The following TACR3 variants were observed in gnomAD, a reference collection of about 807,000 sequenced individuals.
The protein encoded by TACR3 is tachykinin receptor 3, also known as neuromedin-K receptor.
TACR3 carries 34 observed loss-of-function variants against 35.0 expected under a neutral mutation model. That is an observed-to-expected ratio of 0.97 (90% CI 0.74 to 1.30). The LOEUF is 1.30. TACR3 is among the 50% of genes most tolerant of loss of function. The pLI, the probability that TACR3 is intolerant of heterozygous loss-of-function variation, is 0.00. For missense variants in TACR3, 558 were observed against 591.7 expected, an observed-to-expected ratio of 0.94 and a Z score of 0.59; for synonymous variants, 233 against 221.1, an observed-to-expected ratio of 1.05 and a Z score of -0.48.
chr4:103,629,064 A>G (rs1284444760), intron 3 of TACR3, among the ~76,000 whole-genome samples: 1 of 152,186 alleles, frequency 6.6e-6, no homozygotes, highest in African/African-American at 2.4e-5. Context: ...ACAGATGCAC[A>G]AAAGGCCTTT....
intron 3 of TACR3, among the ~76,000 whole-genome samples, chr4:103,614,159 ATTAC>A (rs1724579228): frequency 6.6e-6 from 1 of 152,134 alleles, no homozygotes; most frequent in Non-Finnish European, 1.5e-5. Flanking sequence ...GTTTAGTTCT[ATTAC>A]TTTCTAGACT....
At chr4:103,651,061 G>T (rs759200804) in intron 3 of TACR3, among the ~76,000 whole-genome samples, 13 of 138,444 alleles carry the variant, frequency 9.4e-5, no homozygotes, top group Non-Finnish European at 1.7e-4. Context: ...TGACCACCTG[G>T]CTACCATCTA....
intron 1 of TACR3, among the ~76,000 whole-genome samples, chr4:103,699,556 A>T (rs28688000): frequency 2.6e-5 from 4 of 152,024 alleles, no homozygotes; most frequent in Admixed American, 2.0e-4. Context: ...AACTTAAGGG[A>T]AACAGGAGTA....
intron 3 of TACR3, among the ~76,000 whole-genome samples, chr4:103,647,808 C>T (rs1578241730): frequency 6.6e-6 from 1 of 151,632 alleles, no homozygotes; most frequent in South Asian, 2.1e-4. Flanking sequence ...CTAGTTAATA[C>T]CAGTGTTGTT....
At chr4:103,615,107 A>G (rs1359613134) in intron 3 of TACR3, among the ~76,000 whole-genome samples, 1 of 151,878 alleles carries the variant, frequency 6.6e-6, no homozygotes, top group African/African-American at 2.4e-5. Context: ...TGTGTTAGCC[A>G]GGATGGTCTC....
chr4:103,694,926 T>A (rs188189522), intron 1 of TACR3, among the ~76,000 whole-genome samples: 1 of 152,320 alleles, frequency 6.6e-6, no homozygotes, highest in East Asian at 1.9e-4. Context: ...AACAATCAAT[T>A]TGACTGCAGA....
chr4:103,714,540 C>A (rs151078211), intron 1 of TACR3, among the ~76,000 whole-genome samples: 1,986 of 152,050 alleles, frequency 0.013, 17 homozygotes, highest in South Asian at 0.022. Context: ...TTAATTTTAC[C>A]ATAGTTTTAG....
intron 2 of TACR3, 98 bp downstream of exon 2, chr4:103,658,117 G>T: frequency 8.4e-7 from 1 of 1,196,174 alleles, no homozygotes; most frequent in Non-Finnish European, 1.2e-6. Flanking sequence ...TATGAACCCT[G>T]GGGGAAATGT....
chr4:103,616,240 A>G (rs1724656101), intron 3 of TACR3, among the ~76,000 whole-genome samples: 1 of 152,168 alleles, frequency 6.6e-6, no homozygotes, highest in African/African-American at 2.4e-5. Context: ...TATTATAAAG[A>G]TGTTTCCAAT....
chr4:103,606,130 G>A (rs1331720516), intron 3 of TACR3, among the ~76,000 whole-genome samples: 18 of 151,806 alleles, frequency 1.2e-4, no homozygotes, highest in Non-Finnish European at 5.9e-5. Flanking sequence ...AGATCAGATA[G>A]TTGTAGATAT....
At chr4:103,598,829 C>T (rs1724111643) in intron 3 of TACR3, among the ~76,000 whole-genome samples, 1 of 152,130 alleles carries the variant, frequency 6.6e-6, no homozygotes, top group Non-Finnish European at 1.5e-5. Flanking sequence ...GTTTGTGCAC[C>T]AGTACCATGC....
At chr4:103,591,438 G>A (rs1723891137) in intron 4 of TACR3, 49 bp downstream of exon 4, 1 of 1,594,494 alleles carries the variant, frequency 6.3e-7, no homozygotes, top group Non-Finnish European at 8.6e-7. Context: ...TATGTTTCCA[G>A]TGAAGGTGGG....
At chr4:103,639,177 C>G (rs549515184) in intron 3 of TACR3, among the ~76,000 whole-genome samples, 1 of 152,116 alleles carries the variant, frequency 6.6e-6, no homozygotes, top group Non-Finnish European at 1.5e-5. Flanking sequence ...ATAGCAAAGA[C>G]TTGGAACTAA....
At chr4:103,614,244 TTC>T (rs1476968615) in intron 3 of TACR3, among the ~76,000 whole-genome samples, 1 of 152,188 alleles carries the variant, frequency 6.6e-6, no homozygotes, top group Non-Finnish European at 1.5e-5. Flanking sequence ...GTCTTTTTCT[TTC>T]TCTCTCTGGT....
chr4:103,714,378 T>C (rs1395363384), intron 1 of TACR3, among the ~76,000 whole-genome samples: 1 of 152,264 alleles, frequency 6.6e-6, no homozygotes, highest in African/African-American at 2.4e-5. Flanking sequence ...ACGCTCACAA[T>C]TTTATAAGAA....
intron 1 of TACR3, among the ~76,000 whole-genome samples, chr4:103,718,374 C>T (rs1723136877): frequency 6.6e-6 from 1 of 152,154 alleles, no homozygotes; most frequent in Non-Finnish European, 1.5e-5. Context: ...AGGGATTCAC[C>T]ATTGTATTTC....
chr4:103,606,398 C>T (rs1170521949), intron 3 of TACR3, among the ~76,000 whole-genome samples: 1 of 152,142 alleles, frequency 6.6e-6, no homozygotes, highest in Non-Finnish European at 1.5e-5. Context: ...GGCATTGAAT[C>T]TGTAAATTAC....
chr4:103,710,669 CA>C (rs1264093769), intron 1 of TACR3, among the ~76,000 whole-genome samples: 5 of 151,762 alleles, frequency 3.3e-5, no homozygotes, highest in Admixed American at 2.6e-4. Flanking sequence ...GATAGAGACA[CA>C]AAAAACCCTT....
In TACR3 at chr4:103,613,074, T is replaced by C. The variant is rs185728216; in HGVS notation, c.889-21391A>G. 4.7e-3 allele frequency among the ~76,000 whole-genome samples: 718 copies of C among 152,264 alleles called. 1 individual carries two copies. The highest frequency in any genetic ancestry group is 7.3e-3 in the Non-Finnish European group (495 of 68,026). ...TATATTGCAAATCTAATTAATAATA[T>C]ACGGATAGTTTTGTAATGTGCAAAA... On this transcript the variant is annotated intron_variant, in intron 3 of 4. Transcript: ENST00000304883.
Sources: allele counts gnomAD v4.1 joint callset (sites outside exome capture counted in the v4.1 genomes callset), GRCh38; gene constraint gnomAD v4.1.1; transcripts MANE v1.5; gene names NCBI Gene and HGNC (gene_info 2026-07-23, HGNC 2026-07-21).